The following TMEM232 variants were observed in gnomAD, a reference collection of about 807,000 sequenced individuals.
TMEM232 encodes transmembrane protein 232.
A neutral mutation model predicts 78.8 loss-of-function variants in TMEM232; 80 were observed. That is an observed-to-expected ratio of 1.01 (90% CI 0.85 to 1.22). The LOEUF (loss-of-function observed/expected upper bound fraction) is 1.22. Ranked by LOEUF, TMEM232 falls within the 50% of genes most tolerant of loss-of-function variation. The pLI, the probability that TMEM232 is intolerant of heterozygous loss-of-function variation, is 0.00. For missense variants in TMEM232, 881 were observed against 742.2 expected (o/e 1.19, Z -2.17); for synonymous variants, 297 against 254.3 (o/e 1.17, Z -1.60).
chr5:110,436,860 T>C (rs146877107), intron 12 of TMEM232, among the ~76,000 whole-genome samples: 149 of 152,204 alleles, frequency 9.8e-4, no homozygotes, highest in African/African-American at 3.4e-3. Context: ...TATAGCTCTG[T>C]AGTATAATTT....
At position 110,424,763 on chromosome 5, in the gene TMEM232, AT is replaced by A. The variant is rs1757059061; in HGVS notation, c.1797+59del. The A allele has an allele frequency of 2.1e-5, 28 of 1,302,722 alleles. No individual in the cohort carries two copies. In the Middle Eastern group the frequency reaches 5.5e-4, roughly 26 times the overall value. The allele number at this position is 1,302,722 out of a possible 1,614,324, so 80.7% of individuals were successfully genotyped here. A position where few individuals can be genotyped will look rare whatever the true frequency, so the allele number is the denominator to read the frequency against. Reference sequence around the variant, plus strand: ...TTCAGTCTCAGAACTACATTTTATCATTTAAAGTGCTTTTAAGGAACAAAGC... The same window carrying A: ...TTCAGTCTCAGAACTACATTTTATCATTAAAGTGCTTTTAAGGAACAAAGC... On this transcript the variant is annotated intron_variant, in intron 13 of 13. Coordinates refer to ENST00000455884, the MANE Select transcript of TMEM232 (RefSeq NM_001039763.4).
chr5:110,628,834 T>C (rs1278061374), intron 5 of TMEM232: 1 of 152,084 alleles, frequency 6.6e-6, no homozygotes, highest in Non-Finnish European at 1.5e-5. Context: ...TAAGTAACAT[T>C]ACTGGAATTT....
rs78060300 is a variant in TMEM232 at position 110,474,021 on chromosome 5, A to G, written c.1704-49105T>C. Among the ~76,000 whole-genome samples, 1,351 of 151,234 alleles carry G rather than the reference A, an allele frequency of 8.9e-3. 20 individuals carry two copies. Among genetic ancestry groups the G allele is most frequent in the African/African-American group, 0.031 (1,281 of 41,314 alleles). On this transcript the variant is annotated intron_variant, in intron 12 of 13. Transcript: ENST00000455884. ...AGAGAGAAATGGGGAGAGGTTGATC[A>G]ATAGGTACACAAAGTTACAGCTAGA...
intron 12 of TMEM232, among the ~76,000 whole-genome samples, chr5:110,505,034 G>A (rs552796243): frequency 5.9e-5 from 9 of 152,194 alleles, no homozygotes; most frequent in Admixed American, 2.0e-4. Flanking sequence ...CAGGAGTGTC[G>A]CTTTTAACCA....
chr5:110,542,653 G>T lies in TMEM232; in HGVS notation c.1456-13818C>A, dbSNP rs745513926. Among the ~76,000 whole-genome samples, 5 of 152,006 alleles carry T rather than the reference G, an allele frequency of 3.3e-5. No homozygotes were observed. The East Asian group carries it at 7.7e-4, about 23-fold the overall frequency. On this transcript the variant is annotated intron_variant, in intron 11 of 13. Coordinates refer to ENST00000455884, the MANE Select transcript of TMEM232 (RefSeq NM_001039763.4). ...GATTTATGGGGATTGTGTCTCTCAGGGGGGAAATGAGGCAAGAGAATAAGG... is the reference window on the plus strand; with the variant it reads ...GATTTATGGGGATTGTGTCTCTCAGTGGGGAAATGAGGCAAGAGAATAAGG...
At chr5:110,434,038 A>C (rs1045157309) in intron 12 of TMEM232, among the ~76,000 whole-genome samples, 6 of 151,932 alleles carry the variant, frequency 3.9e-5, no homozygotes, top group Non-Finnish European at 8.8e-5. Context: ...TTTTTGGAAA[A>C]GTTTAAAAAG....
intron 10 of TMEM232, among the ~76,000 whole-genome samples, chr5:110,570,775 T>C (rs1318755807): frequency 3.3e-5 from 5 of 152,042 alleles, no homozygotes; most frequent in African/African-American, 9.7e-5. Flanking sequence ...AATCTCATTA[T>C]GTTACTTCTC....
intron 8 of TMEM232, among the ~76,000 whole-genome samples, chr5:110,609,928 G>A (rs1322935325): frequency 6.6e-6 from 1 of 151,942 alleles, no homozygotes; most frequent in Non-Finnish European, 1.5e-5. Flanking sequence ...TTCTGAAAAT[G>A]ATTTCTTACA....
At chr5:110,438,146 G>A (rs1184490946) in intron 12 of TMEM232, among the ~76,000 whole-genome samples, 1 of 152,014 alleles carries the variant, frequency 6.6e-6, no homozygotes, top group African/African-American at 2.4e-5. Context: ...CCTCAAGGCA[G>A]AGGTCTGTTT....
intron 12 of TMEM232, among the ~76,000 whole-genome samples, chr5:110,462,918 G>A (rs1438499763): frequency 1.3e-5 from 2 of 152,102 alleles, no homozygotes; most frequent in Non-Finnish European, 2.9e-5. Flanking sequence ...TGCTTCTTAT[G>A]GATGAGCAAA....
At chr5:110,694,191 A>G (rs1027815433) in intron 1 of TMEM232, among the ~76,000 whole-genome samples, 8 of 152,190 alleles carry the variant, frequency 5.3e-5, no homozygotes, top group African/African-American at 1.4e-4. Flanking sequence ...AGAATTTCCT[A>G]TCCAGCCAAA....
At chr5:110,674,441 T>C (rs1791768072) in intron 1 of TMEM232, among the ~76,000 whole-genome samples, 1 of 152,244 alleles carries the variant, frequency 6.6e-6, no homozygotes, top group Admixed American at 6.5e-5. Flanking sequence ...AGAATTTCTA[T>C]TAGTCTTTTA....
At chr5:110,677,232 A>T (rs1333298075) in intron 1 of TMEM232, among the ~76,000 whole-genome samples, 1 of 151,154 alleles carries the variant, frequency 6.6e-6, no homozygotes, top group Non-Finnish European at 1.5e-5. Flanking sequence ...CATTTTTTTT[A>T]ATTGTCTAAT....
chr5:110,512,277 A>G (rs928145730), intron 12 of TMEM232, among the ~76,000 whole-genome samples: 1 of 152,202 alleles, frequency 6.6e-6, no homozygotes, highest in Non-Finnish European at 1.5e-5. Context: ...TCAATAAATA[A>G]TTATTGAATA....
At chr5:110,664,670 G>A (rs1580570067) in intron 2 of TMEM232, among the ~76,000 whole-genome samples, 1 of 152,328 alleles carries the variant, frequency 6.6e-6, no homozygotes, top group Middle Eastern at 3.4e-3. Flanking sequence ...AAGATAGGGT[G>A]CCAGCATGGG....
rs1790728496 is a variant in TMEM232, at chr5:110,667,366, T to C, written c.-12-2A>G. On this transcript the variant is annotated splice_acceptor_variant, in intron 1 of 13. Transcript: ENST00000455884. LOFTEE classifies it low-confidence loss of function (5UTR_SPLICE). ...AGGCATATTCATAAATCATAAATTC[T>C]AAAAGGAATATTAAATGTATGTTAG... 6.7e-7 allele frequency: 1 copy of C among 1,488,974 alleles called. No homozygotes were observed. Among genetic ancestry groups the C allele is most frequent in the East Asian group, 2.6e-5 (1 of 38,762 alleles). 92.2% of individuals were successfully genotyped at this position (1,488,974 alleles called of 1,614,324 possible).
At chr5:110,696,127 T>A (rs1424696352) in intron 1 of TMEM232, among the ~76,000 whole-genome samples, 1 of 152,186 alleles carries the variant, frequency 6.6e-6, no homozygotes, top group Non-Finnish European at 1.5e-5. Context: ...GCTTCATCCC[T>A]GGGATGCAAG....
rs191825608 is a variant in TMEM232, at chr5:110,594,900, T to C, written c.1276+10209A>G. 8.5e-4 allele frequency among the ~76,000 whole-genome samples: 129 copies of C among 152,314 alleles called. 1 individual carries two copies. The highest frequency in any genetic ancestry group is 3.1e-3 in the African/African-American group (127 of 41,588). On this transcript the variant is annotated intron_variant, in intron 10 of 13. Coordinates refer to ENST00000455884, the MANE Select transcript of TMEM232 (RefSeq NM_001039763.4). ...AGCTCTGAATAGAGCAGCGGATCTC[T>C]CAGCACAGTGCTTAAGCTCTGCTAA...
intron 12 of TMEM232, among the ~76,000 whole-genome samples, chr5:110,456,465 T>C (rs73782499): frequency 0.032 from 4,942 of 152,240 alleles, 99 homozygotes; most frequent in African/African-American, 0.059. Flanking sequence ...AAGATGTCAA[T>C]ACTTTTTAAA....
Sources: gnomAD v4.1 joint callset for allele counts (sites outside exome capture counted in the v4.1 genomes callset) on GRCh38, gnomAD v4.1.1 for gene constraint, MANE v1.5 for transcripts, NCBI Gene and HGNC (gene_info 2026-07-23, HGNC 2026-07-21) for gene names.